CSMD3: variants seen among roughly 807,000 people sequenced by gnomAD.
CSMD3 encodes the protein CUB and Sushi multiple domains 3.
Under a neutral mutation model 435.2 loss-of-function variants are expected in CSMD3, and 177 were observed. The observed-to-expected ratio is 0.41, with a 90% CI of 0.36 to 0.46. CSMD3 has a LOEUF of 0.46. Among genes scored for constraint, CSMD3 ranks in the 20% least tolerant of loss-of-function variants. The pLI, the probability that CSMD3 is intolerant of heterozygous loss-of-function variation, is 0.34. For synonymous variants in CSMD3, 1,656 were observed against 1,520.5 expected (o/e 1.09, Z -2.07); for missense variants, 4,265 against 4,504.6 (o/e 0.95, Z 1.52).
chr8:113,384,287 G>A (rs1464987179), intron 1 of CSMD3, among the ~76,000 whole-genome samples: 1 of 152,110 alleles, frequency 6.6e-6, no homozygotes, highest in East Asian at 1.9e-4. Context: ...CATTTGGAGG[G>A]CACTCAAAAT....
At chr8:112,496,718 A>G (rs1821384457) in intron 30 of CSMD3, among the ~76,000 whole-genome samples, 1 of 152,168 alleles carries the variant, frequency 6.6e-6, no homozygotes, top group Non-Finnish European at 1.5e-5. Context: ...GCATTTTCTT[A>G]CTTATTTGTG....
At chr8:112,750,020 T>C (rs2077530636) in intron 13 of CSMD3, among the ~76,000 whole-genome samples, 1 of 152,008 alleles carries the variant, frequency 6.6e-6, no homozygotes, top group South Asian at 2.1e-4. Flanking sequence ...GTATGTTGAA[T>C]GGAGGAAACC....
At chr8:113,403,322 T>C (rs1273637330) in intron 1 of CSMD3, among the ~76,000 whole-genome samples, 2 of 151,406 alleles carry the variant, frequency 1.3e-5, no homozygotes, top group Non-Finnish European at 3.0e-5. Context: ...AGGGTTTGTT[T>C]CAAAATCTAA....
At chr8:112,480,719 A>C (rs1199472380) in intron 31 of CSMD3, among the ~76,000 whole-genome samples, 1 of 152,138 alleles carries the variant, frequency 6.6e-6, no homozygotes, top group East Asian at 1.9e-4. Flanking sequence ...CCTCACTAGA[A>C]GCATGGCAGA....
intron 67 of CSMD3, among the ~76,000 whole-genome samples, chr8:112,235,496 A>G (rs1563668468): frequency 6.6e-6 from 1 of 152,206 alleles, no homozygotes; most frequent in Non-Finnish European, 1.5e-5. Flanking sequence ...GAAGGTAAAT[A>G]CAAGCAATGA....
At chr8:112,329,665 G>T (rs761211367) in intron 45 of CSMD3, among the ~76,000 whole-genome samples, 1 of 152,098 alleles carries the variant, frequency 6.6e-6, no homozygotes, top group Non-Finnish European at 1.5e-5. Context: ...AACAGAAGTT[G>T]TGTTCCTGAT....
intron 28 of CSMD3, among the ~76,000 whole-genome samples, chr8:112,514,871 T>G (rs1055034087): frequency 6.6e-6 from 1 of 152,060 alleles, no homozygotes; most frequent in African/African-American, 2.4e-5. Flanking sequence ...GGTCAAGCAT[T>G]CTGCAGCCTT....
intron 10 of CSMD3, among the ~76,000 whole-genome samples, chr8:112,882,922 A>G (rs2081487588): frequency 6.6e-6 from 1 of 152,022 alleles, no homozygotes; most frequent in African/African-American, 2.4e-5. Context: ...AGATCTCTCA[A>G]AATTCTAAAT....
intron 4 of CSMD3, among the ~76,000 whole-genome samples, chr8:113,107,814 C>T (rs72685834): frequency 0.066 from 10,119 of 152,196 alleles, 456 homozygotes; most frequent in Non-Finnish European, 0.095. Context: ...GTCTGCCTCC[C>T]TCTCACTGTA....
intron 1 of CSMD3, among the ~76,000 whole-genome samples, chr8:113,422,443 G>A: frequency 6.6e-6 from 1 of 152,234 alleles, no homozygotes; most frequent in Non-Finnish European, 1.5e-5. Context: ...TCATTTGTTT[G>A]TATCTTACAG....
chr8:112,306,126 C>T lies in CSMD3; in HGVS notation c.7952G>A (p.Gly2651Glu), dbSNP rs1223575998. The part of the protein sequence containing the change: ...GGILTTDYLV[G>E]TRVTYFCNDG... Reference sequence around the variant, plus strand: ...ATTACAAAAATAGGTAACTCGCGTTCCTACCAAATAGTCTGTTGTTAGTAT... The same window carrying T: ...ATTACAAAAATAGGTAACTCGCGTTTCTACCAAATAGTCTGTTGTTAGTAT... The change falls in exon 51 of 71, where the codon GGA becomes GAA. Residue 2651 changes from glycine (G) to glutamate (E), a missense_variant. By Grantham distance (98) the Gly-to-Glu change is moderately conservative (BLOSUM62 -2). Around this residue, in one of 3 missense-constraint regions of CSMD3, gnomAD observed 3,255 missense variants for 3,380.2 expected, o/e 0.96. Transcript: ENST00000297405. 1.2e-6 allele frequency: 2 copies of T among 1,613,270 alleles called. No individual in the cohort carries two copies. The highest frequency in any genetic ancestry group is 3.3e-5 in the Admixed American group (2 of 59,950).
intron 9 of CSMD3, among the ~76,000 whole-genome samples, chr8:112,933,220 T>C (rs889679167): frequency 6.6e-6 from 1 of 152,128 alleles, no homozygotes; most frequent in Non-Finnish European, 1.5e-5. Context: ...TCAAGTGGTG[T>C]ATAATGATAA....
intron 6 of CSMD3, among the ~76,000 whole-genome samples, chr8:112,984,994 T>TGATTGATA (rs144422634): frequency 4.0e-5 from 6 of 148,310 alleles, no homozygotes; most frequent in South Asian, 2.2e-4. Flanking sequence ...TGATAGATTA[T>TGATTGATA]GATAGATAGA....
At chr8:112,751,115 ATTCT>A (rs1271795613) in intron 13 of CSMD3, among the ~76,000 whole-genome samples, 1 of 152,190 alleles carries the variant, frequency 6.6e-6, no homozygotes, top group Non-Finnish European at 1.5e-5. Flanking sequence ...TACTAAAAAT[ATTCT>A]TTCTTTCTGA....
At chr8:113,257,282 G>T (rs2093389777) in intron 3 of CSMD3, among the ~76,000 whole-genome samples, 1 of 152,060 alleles carries the variant, frequency 6.6e-6, no homozygotes, top group African/African-American at 2.4e-5. Flanking sequence ...ATGGTGGCAG[G>T]TGCCTGTAGT....
intron 4 of CSMD3, among the ~76,000 whole-genome samples, chr8:113,112,462 C>A (rs2090685255): frequency 2.0e-5 from 1 of 50,526 alleles, no homozygotes; most frequent in Non-Finnish European, 3.4e-5. Context: ...TATACACACA[C>A]ACACACACAC....
In CSMD3 at chr8:112,224,455, C is replaced by A. The variant is rs1812394771; in HGVS notation, c.*316G>T. ...TCCCTCTAATATAGTTTATAAAGCACAGAAATACTGATAGTGGATGCTCCT... is the reference window on the plus strand; with the variant it reads ...TCCCTCTAATATAGTTTATAAAGCAAAGAAATACTGATAGTGGATGCTCCT... On this transcript the variant is annotated 3_prime_UTR_variant, in exon 71 of 71. Coordinates refer to ENST00000297405, the MANE Select transcript of CSMD3 (RefSeq NM_198123.2). The A allele has an allele frequency of 2.7e-6, 1 of 372,108 alleles. No individual in the cohort carries two copies. The highest frequency in any genetic ancestry group is 3.8e-5 in the Admixed American group (1 of 26,500). 23.1% of individuals were successfully genotyped at this position (372,108 alleles called of 1,614,324 possible).
intron 22 of CSMD3, among the ~76,000 whole-genome samples, chr8:112,590,644 A>G (rs1427601145): frequency 6.6e-6 from 1 of 152,010 alleles, no homozygotes; most frequent in Non-Finnish European, 1.5e-5. Context: ...TGTGATGGGG[A>G]AATACTTTTG....
chr8:112,349,625 T>C (rs1825967830), intron 40 of CSMD3, among the ~76,000 whole-genome samples: 1 of 152,146 alleles, frequency 6.6e-6, no homozygotes, highest in African/African-American at 2.4e-5. Flanking sequence ...ATCACCATTA[T>C]CTGCACATAT....
Sources: gnomAD v4.1 joint callset for allele counts (sites outside exome capture counted in the v4.1 genomes callset) on GRCh38, gnomAD v4.1.1 for gene constraint, gnomAD v4.1.1 regional missense constraint, MANE v1.5 for transcripts, NCBI Gene and HGNC (gene_info 2026-07-23, HGNC 2026-07-21) for gene names.